The following CEP164 variants were observed in gnomAD, a reference collection of about 807,000 sequenced individuals.
CEP164 encodes centrosomal protein of 164 kDa.
In CEP164, 162 loss-of-function variants were observed where a neutral mutation model predicts 182.7. The ratio of observed to expected loss-of-function variants is 0.89; its 90% CI spans 0.78 to 1.01. The LOEUF is 1.01. Among genes scored for constraint, CEP164 ranks in the 50% least tolerant of loss-of-function variants. The pLI is 0.00. For synonymous variants in CEP164, 661 were observed against 690.0 expected (o/e 0.96, Z 0.66); for missense variants, 1,735 against 1,790.4 (o/e 0.97, Z 0.56).
rs1253466075 is a variant in CEP164, at chr11:117,393,078, G to A, written c.2568G>A (p.Glu856=). ...EHERRLDKMK[E]EHQQVMAKAR... ...AGAGGAGGTTGGACAAGATGAAGGA[G>A]GAGCACCAGCAAGTGATGGCTAAGG... is the stretch of plus-strand genomic sequence containing the variant. The change falls in exon 20 of 33, where the codon GAG becomes GAA. Residue 856 remains glutamate (E), a synonymous_variant. Transcript: ENST00000278935. 1 of 1,613,802 alleles carries A rather than the reference G, an allele frequency of 6.2e-7. No individual in the cohort carries two copies.
intron 27 of CEP164, among the ~76,000 whole-genome samples, chr11:117,406,324 C>T (rs2046669440): frequency 6.6e-6 from 1 of 152,126 alleles, no homozygotes; most frequent in African/African-American, 2.4e-5. Context: ...CATCAGATCT[C>T]GTGAGACTTA....
At chr11:117,361,119 G>C (rs893263761) in intron 5 of CEP164, among the ~76,000 whole-genome samples, 1 of 149,950 alleles carries the variant, frequency 6.7e-6, no homozygotes, top group Non-Finnish European at 1.5e-5. Flanking sequence ...ATTTTTAGTA[G>C]AGACAGGGTT....
At chr11:117,346,435 T>A (rs949209966) in intron 4 of CEP164, among the ~76,000 whole-genome samples, 1 of 152,064 alleles carries the variant, frequency 6.6e-6, no homozygotes, top group Non-Finnish European at 1.5e-5. Flanking sequence ...ATTTTTTTAT[T>A]TTTAGTAGGG....
rs199682751 is a variant in CEP164 at position 117,412,061 on chromosome 11, C to T, written c.4287-11C>T. On this transcript the variant is annotated splice_polypyrimidine_tract_variant and intron_variant, in intron 32 of 32. Transcript: ENST00000278935. The stretch of plus-strand genomic sequence containing the variant: ...CCCAGCGACTGCAGTTTTCCTTCAC[C>T]TTGTGGCCAGACCTCTCTTCTCGTC... The T allele has an allele frequency of 1.4e-5, 23 of 1,614,006 alleles. No homozygotes were observed. The Admixed American group carries it at 3.0e-4, about 21-fold the overall frequency.
At chr11:117,401,510 G>A (rs1289957363) in intron 27 of CEP164, among the ~76,000 whole-genome samples, 1 of 152,130 alleles carries the variant, frequency 6.6e-6, no homozygotes, top group African/African-American at 2.4e-5. Context: ...AGTTAGGGAG[G>A]AGTCCTTTTT....
chr11:117,409,386 C>A lies in CEP164; in HGVS notation c.3749-232C>A. The A allele has an allele frequency of 1.7e-6, 1 of 584,336 alleles. No homozygotes were observed. Among genetic ancestry groups the A allele is most frequent in the Non-Finnish European group, 3.0e-6 (1 of 330,998 alleles). The allele number at this position is 584,336 out of a possible 1,614,324, so 36.2% of individuals were successfully genotyped here. On this transcript the variant is annotated intron_variant, in intron 29 of 32. Coordinates refer to ENST00000278935, the MANE Select transcript of CEP164 (RefSeq NM_014956.5). This position sits in a 1 kb window ranked among gnomAD's most constrained non-coding sequence, Gnocchi z 4.4. The stretch of plus-strand genomic sequence containing the variant: ...CCTTCCTTCTCTCTGGGGTCCTGGG[C>A]CCTTCACCCAGCACCTTGCCCTGGA...
At chr11:117,380,759 T>C (rs2043227881) in intron 12 of CEP164, 54 bp downstream of exon 12, 1 of 1,509,660 alleles carries the variant, frequency 6.6e-7, no homozygotes, top group African/African-American at 1.4e-5. Flanking sequence ...TGGTGTGGAC[T>C]TGGGCAGAAT....
intron 4 of CEP164, among the ~76,000 whole-genome samples, chr11:117,346,309 C>A (rs2038883129): frequency 6.6e-6 from 1 of 151,768 alleles, no homozygotes; most frequent in African/African-American, 2.4e-5. Flanking sequence ...TGCTCTGTCG[C>A]CCAGGCTGGA....
At position 117,390,983 on chromosome 11, in the gene CEP164, C is replaced by T. The variant is rs758674918; in HGVS notation, c.2067-16C>T. 6.2e-7 allele frequency: 1 copy of T among 1,614,094 alleles called. No individual in the cohort carries two copies. The highest frequency in any genetic ancestry group is 8.5e-7 in the Non-Finnish European group (1 of 1,180,024). The stretch of plus-strand genomic sequence containing the variant: ...AGGGTGCACAGGCCCGTTACCATTC[C>T]ACTGTGTCCACCCAGGGCTGAGCAA... On this transcript the variant is annotated splice_polypyrimidine_tract_variant and intron_variant, in intron 16 of 32. Coordinates refer to ENST00000278935, the MANE Select transcript of CEP164 (RefSeq NM_014956.5).
chr11:117,380,650 A>G lies in CEP164; in HGVS notation c.1354A>G (p.Ser452Gly). 6.2e-7 allele frequency: 1 copy of G among 1,608,000 alleles called. No homozygotes were observed. The highest frequency in any genetic ancestry group is 8.5e-7 in the Non-Finnish European group (1 of 1,177,284). The change falls in exon 12 of 33, where the codon AGC becomes GGC. Residue 452 changes from serine (S) to glycine (G), a missense_variant. Transcript: ENST00000278935. ...ACTGGGAATAGAAGACAAGGATGACAGCCAGTCCAGCCAAGATGAGCTGCA... is the reference window on the plus strand; with the variant it reads ...ACTGGGAATAGAAGACAAGGATGACGGCCAGTCCAGCCAAGATGAGCTGCA... ...QPLGIEDKDD[S>G]QSSQDELQSK...
chr11:117,382,850 C>T lies in CEP164; in HGVS notation c.1632C>T (p.Ser544=), dbSNP rs1289498893. 1 of 1,614,102 alleles carries T rather than the reference C, an allele frequency of 6.2e-7. No homozygotes were observed. Among genetic ancestry groups the T allele is most frequent in the Admixed American group, 1.7e-5 (1 of 60,016 alleles). ...AACEKGKEQH[S]QAEELGPGQE... is the part of the protein sequence containing the mutation. ...GTGAGAAGGGCAAGGAGCAGCATTCCCAGGCCGAGGAGCTGGGCCCTGGGC... is the reference window on the plus strand; with the variant it reads ...GTGAGAAGGGCAAGGAGCAGCATTCTCAGGCCGAGGAGCTGGGCCCTGGGC... Residue 544 remains serine, a synonymous_variant, in exon 14 of 33, where the codon TCC becomes TCT. Coordinates refer to ENST00000278935, the MANE Select transcript of CEP164 (RefSeq NM_014956.5).
chr11:117,373,238 G>A (rs890702576), intron 9 of CEP164, among the ~76,000 whole-genome samples: 2 of 151,994 alleles, frequency 1.3e-5, no homozygotes, highest in East Asian at 1.9e-4. Flanking sequence ...ATGGTGATGC[G>A]CACCTGTAAT....
chr11:117,378,594 G>T (rs2042992620), intron 11 of CEP164, among the ~76,000 whole-genome samples: 1 of 152,194 alleles, frequency 6.6e-6, no homozygotes, highest in South Asian at 2.1e-4. Flanking sequence ...GAGGGAAATG[G>T]TATTTTAGGC....
Position 117,342,067 on chromosome 11 carries a change from A to G in CEP164, c.83-2099A>G, listed in dbSNP as rs2038206258. ...CCTACCTCATTTACTTCCTTCTTGCATTTATCAGAAGCTTTAATTTTTTGT... is the reference window on the plus strand; with the variant it reads ...CCTACCTCATTTACTTCCTTCTTGCGTTTATCAGAAGCTTTAATTTTTTGT... On this transcript the variant is annotated intron_variant, in intron 3 of 32. Coordinates refer to ENST00000278935, the MANE Select transcript of CEP164 (RefSeq NM_014956.5). Among the ~76,000 whole-genome samples the G allele has an allele frequency of 2.6e-5, 4 of 152,148 alleles. No homozygotes were observed. The South Asian group carries it at 8.3e-4, about 32-fold the overall frequency.
rs1215283320 is a variant in CEP164, at chr11:117,389,967, G to A, written c.1935-810G>A. 2.4e-5 allele frequency among the ~76,000 whole-genome samples: 3 copies of A among 127,584 alleles called. 1 individual carries two copies. The South Asian group carries it at 8.1e-4, about 34-fold the overall frequency. 83.7% of individuals were successfully genotyped at this position (127,584 alleles called of 152,430 possible). A position where few individuals can be genotyped will look rare whatever the true frequency, so the allele number is the denominator to read the frequency against. On this transcript the variant is annotated intron_variant, in intron 15 of 32. Transcript: ENST00000278935. ...TTTTTTTTTTTTTTTTTTGGAGATA[G>A]AGTCTTGCTCTGTTGCCCAGGTTGG...
chr11:117,382,691 G>GTC, intron 13 of CEP164, 105 bp from the exon 14 acceptor site: 2 of 1,356,884 alleles, frequency 1.5e-6, no homozygotes, highest in Non-Finnish European at 1.0e-6. Flanking sequence ...TTGTTGGGCT[G>GTC]TCTCTCTTGT....
intron 7 of CEP164, 78 bp downstream of exon 7, chr11:117,362,616 T>A: frequency 6.7e-7 from 1 of 1,494,106 alleles, no homozygotes; most frequent in Admixed American, 2.1e-5. Context: ...TTTGCTGTGA[T>A]AGAAAAAATA....
chr11:117,356,482 C>T (rs902541011), intron 5 of CEP164: 13 of 1,285,756 alleles, frequency 1.0e-5, no homozygotes, highest in South Asian at 6.2e-5. Context: ...AGGTGGCCCT[C>T]GCCCCTGCTT....
chr11:117,369,346 A>G (rs1317906353), intron 8 of CEP164, among the ~76,000 whole-genome samples: 1 of 152,220 alleles, frequency 6.6e-6, no homozygotes, highest in African/African-American at 2.4e-5. Context: ...ACTGAGGCAC[A>G]TAGAAGTAAA....
Sources: gnomAD v4.1 joint callset for allele counts (sites outside exome capture counted in the v4.1 genomes callset) on GRCh38, gnomAD v4.1.1 for gene constraint, Gnocchi (gnomAD v3.1) non-coding constraint, MANE v1.5 for transcripts, NCBI Gene and HGNC (gene_info 2026-07-23, HGNC 2026-07-21) for gene names.